DENND1B: variants seen among roughly 807,000 people sequenced by gnomAD.
DENND1B encodes the protein DENN domain-containing protein 1B.
DENND1B carries 59 observed loss-of-function variants against 90.1 expected under a neutral mutation model. The ratio of observed to expected loss-of-function variants is 0.65; its 90% CI spans 0.53 to 0.81. DENND1B has a LOEUF of 0.81. Among genes scored for constraint, DENND1B ranks in the 40% least tolerant of loss-of-function variants. The pLI, the probability that DENND1B is intolerant of heterozygous loss-of-function variation, is 0.00. For missense variants in DENND1B, 862 were observed against 912.6 expected (o/e 0.94, Z 0.71); for synonymous variants, 337 against 324.6 (o/e 1.04, Z -0.41).
chr1:197,635,236 T>C (rs1679681015), intron 10 of DENND1B, among the ~76,000 whole-genome samples: 1 of 152,232 alleles, frequency 6.6e-6, no homozygotes, highest in African/African-American at 2.4e-5. Context: ...TAATTAATAA[T>C]TTTTTATTTT....
chr1:197,777,983 A>G (rs1391625630), upstream of DENND1B, among the ~76,000 whole-genome samples: 2 of 152,248 alleles, frequency 1.3e-5, no homozygotes, highest in South Asian at 2.1e-4. Flanking sequence ...ACATAATTCA[A>G]TTAATGGGAG....
At chr1:197,713,793 T>TATTATATTATAATA (rs1376908590) in intron 3 of DENND1B, among the ~76,000 whole-genome samples, 6,719 of 19,044 alleles carry the variant, frequency 0.35, 1,051 homozygotes, top group Middle Eastern at 0.5. Flanking sequence ...TATTATAATA[T>TATTATATTATAATA]TATTATATTA....
intron 2 of DENND1B, chr1:197,747,218 T>C (rs1178594124): frequency 2.9e-6 from 2 of 687,058 alleles, no homozygotes; most frequent in Non-Finnish European, 5.4e-6. Context: ...TCTTGAAATA[T>C]ATTCTACATA....
intron 7 of DENND1B, among the ~76,000 whole-genome samples, chr1:197,651,522 C>T (rs1653169648): frequency 6.6e-6 from 1 of 151,722 alleles, no homozygotes; most frequent in African/African-American, 2.4e-5. Context: ...ATTTTTATCA[C>T]ATATTTATAT....
At chr1:197,763,993 CTCT>C (rs1285095297) in intron 2 of DENND1B, among the ~76,000 whole-genome samples, 2 of 152,328 alleles carry the variant, frequency 1.3e-5, no homozygotes, top group South Asian at 2.1e-4. Flanking sequence ...GGTGTTTAAG[CTCT>C]TCTTCTGATG....
chr1:197,566,997 A>G (rs1387232671), intron 15 of DENND1B, among the ~76,000 whole-genome samples: 1 of 152,146 alleles, frequency 6.6e-6, no homozygotes, highest in Non-Finnish European at 1.5e-5. Flanking sequence ...AAAGACAGAA[A>G]TAGTGACAGT....
intron 18 of DENND1B, among the ~76,000 whole-genome samples, chr1:197,544,459 G>A (rs1290402850): frequency 6.6e-6 from 1 of 151,760 alleles, no homozygotes; most frequent in Non-Finnish European, 1.5e-5. Context: ...TGAAGGGTTG[G>A]GTTTTGAAGG....
At chr1:197,696,895 A>C (rs1414345496) in intron 3 of DENND1B, among the ~76,000 whole-genome samples, 1 of 146,338 alleles carries the variant, frequency 6.8e-6, no homozygotes, top group Non-Finnish European at 1.5e-5. Flanking sequence ...GAGACATGCA[A>C]AAAAAAAAAA....
chr1:197,652,571 A>G (rs1316525140), intron 6 of DENND1B, among the ~76,000 whole-genome samples: 1 of 152,112 alleles, frequency 6.6e-6, no homozygotes, highest in African/African-American at 2.4e-5. Flanking sequence ...GAAAAACTTA[A>G]TTATTATAAA....
chr1:197,748,216 C>T (rs558583371), intron 2 of DENND1B, among the ~76,000 whole-genome samples: 7 of 113,448 alleles, frequency 6.2e-5, no homozygotes, highest in Non-Finnish European at 8.3e-5. Flanking sequence ...AAATATTCAG[C>T]GTGTAACAAA....
intron 10 of DENND1B, among the ~76,000 whole-genome samples, chr1:197,630,990 C>G (rs1443126505): frequency 6.6e-6 from 1 of 152,096 alleles, no homozygotes; most frequent in African/African-American, 2.4e-5. Context: ...TGCCAATACC[C>G]TCAAATACAT....
chr1:197,513,685 T>C lies in DENND1B; in HGVS notation c.1516-732A>G, dbSNP rs909821508. Among the ~76,000 whole-genome samples, 8 of 151,764 alleles carry C rather than the reference T, an allele frequency of 5.3e-5. No homozygotes were observed. The East Asian group carries it at 1.6e-3, about 30-fold the overall frequency. On this transcript the variant is annotated intron_variant, in intron 20 of 22. Transcript: ENST00000620048. ...TTAATAATTTTTCTTTAATATCTTA[T>C]AGTACTCAGGCCATATTCATATTCC... is the stretch of plus-strand genomic sequence containing the variant.
chr1:197,656,901 T>C (rs1215284536), intron 6 of DENND1B, among the ~76,000 whole-genome samples: 2 of 152,168 alleles, frequency 1.3e-5, no homozygotes, highest in African/African-American at 4.8e-5. Context: ...ACTACAGTTT[T>C]AATTTTATTT....
Position 197,715,060 on chromosome 1 carries a change from A to G in DENND1B, c.97T>C (p.Trp33Arg). 1 of 1,611,590 alleles carries G rather than the reference A, an allele frequency of 6.2e-7. No homozygotes were observed. The highest frequency in any genetic ancestry group is 8.5e-7 in the Non-Finnish European group (1 of 1,178,568). The change falls in exon 3 of 23, where the codon TGG becomes CGG. Residue 33 changes from tryptophan to arginine, a missense_variant. By Grantham distance (101) the Trp-to-Arg change is moderately radical. Transcript: ENST00000620048. ...ASENEDPVVL[W>R]KFPEDFGDQE... ...TCTCCAAAGTCCTCTGGGAATTTCCACAATACCACAGGATCTGTAAATAAT... is the reference window on the plus strand; with the variant it reads ...TCTCCAAAGTCCTCTGGGAATTTCCGCAATACCACAGGATCTGTAAATAAT...
intron 5 of DENND1B, among the ~76,000 whole-genome samples, chr1:197,670,857 C>A (rs1572264313): frequency 6.6e-6 from 1 of 152,202 alleles, no homozygotes; most frequent in East Asian, 1.9e-4. Context: ...AAATAACCTA[C>A]AGTTTTAAGC....
chr1:197,646,135 A>G (rs1215664849), intron 8 of DENND1B, among the ~76,000 whole-genome samples: 1 of 151,934 alleles, frequency 6.6e-6, no homozygotes, highest in East Asian at 1.9e-4. Flanking sequence ...TTATTAAAAC[A>G]CATTTAGTTG....
intron 15 of DENND1B, among the ~76,000 whole-genome samples, chr1:197,571,868 A>T (rs1256540998): frequency 6.6e-6 from 1 of 152,224 alleles, no homozygotes; most frequent in Non-Finnish European, 1.5e-5. Context: ...GTGAAAATAC[A>T]TATTAAAAAG....
chr1:197,652,343 T>C (rs1417524348), intron 6 of DENND1B, 28 bp from the exon 7 acceptor site: 2 of 1,579,050 alleles, frequency 1.3e-6, no homozygotes, highest in Non-Finnish European at 8.6e-7. Context: ...GTACATTTTA[T>C]AAATAAAACA....
chr1:197,713,769 ATAT>A (rs1232397011), intron 3 of DENND1B, among the ~76,000 whole-genome samples: 5 of 29,354 alleles, frequency 1.7e-4, no homozygotes, highest in Admixed American at 5.8e-4. Context: ...TAATTATATT[ATAT>A]TATTATATTA....
Sources: gnomAD v4.1 joint callset for allele counts (sites outside exome capture counted in the v4.1 genomes callset) on GRCh38, gnomAD v4.1.1 for gene constraint, MANE v1.5 for transcripts, NCBI Gene and HGNC (gene_info 2026-07-23, HGNC 2026-07-21) for gene names.